LRRC56: variants seen among roughly 807,000 people sequenced by gnomAD.
LRRC56 encodes the protein leucine rich repeat containing 56.
In LRRC56, 41 loss-of-function variants were observed where a neutral mutation model predicts 47.8. The observed-to-expected ratio is 0.86, with a 90% CI of 0.67 to 1.11. The LOEUF (loss-of-function observed/expected upper bound fraction) is 1.11, where lower values mean the gene tolerates loss of function less well. LRRC56 is among the 50% of genes most tolerant of loss of function. The probability of loss-of-function intolerance (pLI) is 0.00; values close to 1 mark genes in which losing one functional copy is unlikely to be tolerated. For missense variants in LRRC56, 759 were observed against 704.2 expected, an observed-to-expected ratio of 1.08 and a Z score of -0.88; for synonymous variants, 387 against 311.2, an observed-to-expected ratio of 1.24 and a Z score of -2.56.
At chr11:546,147 G>A (rs1202109188) in intron 6 of LRRC56, among the ~76,000 whole-genome samples, 3 of 152,166 alleles carry the variant, frequency 2.0e-5, no homozygotes, top group South Asian at 4.1e-4. Context: ...GCACATGCCT[G>A]TAACCCCAGC....
chr11:546,817 C>T (rs1279204732), intron 6 of LRRC56, among the ~76,000 whole-genome samples: 2 of 152,054 alleles, frequency 1.3e-5, no homozygotes, highest in Non-Finnish European at 2.9e-5. Context: ...CTTTGGGAGG[C>T]CAAGGCAGGC....
chr11:520,488 T>C, the LRRC56 span, among the ~76,000 whole-genome samples: 11 of 152,098 alleles, frequency 7.2e-5, no homozygotes, highest in Admixed American at 7.2e-4. Flanking sequence ...GGCTCATTTT[T>C]TTGTATTTTC....
intron 1 of LRRC56, among the ~76,000 whole-genome samples, 175 bp downstream of exon 1, chr11:537,780 C>G (rs1056880410): frequency 2.6e-5 from 4 of 152,190 alleles, no homozygotes; most frequent in Admixed American, 2.6e-4. Flanking sequence ...CCTCCACCAC[C>G]CCCTGGCCCT....
chr11:516,638 G>C, the LRRC56 span, among the ~76,000 whole-genome samples: 1 of 152,026 alleles, frequency 6.6e-6, no homozygotes, highest in Non-Finnish European at 1.5e-5. Context: ...CATATAAGCA[G>C]ATTAAAAGAC....
At chr11:515,918 C>T in the LRRC56 span, among the ~76,000 whole-genome samples, 1 of 152,194 alleles carries the variant, frequency 6.6e-6, no homozygotes, top group Non-Finnish European at 1.5e-5. Context: ...ATATGTGTAG[C>T]CCCGTCATTC....
In LRRC56 at chr11:554,070, A is replaced by T; in HGVS notation, c.1423A>T (p.Arg475Trp). ...GCGGTGGTCGACAGACCTGCAGTCC[A>T]GGGGGCGTCGGCTCCGAGTCCTGGG... ...SPRWSTDLQS[R>W]GRRLRVLGSW... Residue 475 changes from arginine to tryptophan, a missense_variant, in exon 14 of 14, where the codon AGG becomes TGG. Physicochemically the swap from Arg to Trp is moderately radical, Grantham distance 101. Transcript: ENST00000270115. 6.2e-7 allele frequency: 1 copy of T among 1,610,008 alleles called. No individual in the cohort carries two copies. Among genetic ancestry groups the T allele is most frequent in the Non-Finnish European group, 8.5e-7 (1 of 1,179,242 alleles).
rs903133810 is a variant in LRRC56 at position 538,670 on chromosome 11, G to A, written c.-349G>A. The A allele has an allele frequency of 6.6e-6, 1 of 152,268 alleles. No homozygotes were observed. Among genetic ancestry groups the A allele is most frequent in the African/African-American group, 2.4e-5 (1 of 41,454 alleles). The allele number at this position is 152,268 out of a possible 1,614,324, so 9.4% of individuals were successfully genotyped here. A position where few individuals can be genotyped will look rare whatever the true frequency, so the allele number is the denominator to read the frequency against. On this transcript the variant is annotated 5_prime_UTR_variant, in exon 2 of 14. Coordinates refer to ENST00000270115, the MANE Select transcript of LRRC56 (RefSeq NM_198075.4). ...GATGCATCTTCAGTGTCCACACGTG[G>A]TCAACAGATAAAAGCCATGGCCAGA...
At chr11:553,847 C>A in intron 13 of LRRC56, 116 bp from the exon 14 acceptor site, 1 of 840,292 alleles carries the variant, frequency 1.2e-6, no homozygotes, top group Non-Finnish European at 1.9e-6. Flanking sequence ...GCCTGTGGAC[C>A]CCCAAGGACC....
At chr11:534,575 A>G, upstream of LRRC56, 1 of 577,864 alleles carries the variant, frequency 1.7e-6, no homozygotes, top group South Asian at 2.1e-5. Context: ...ACTTGCTCTT[A>G]ATGACCCAGT....
the LRRC56 span, among the ~76,000 whole-genome samples, chr11:511,543 G>C: frequency 6.6e-6 from 1 of 152,214 alleles, no homozygotes; most frequent in South Asian, 2.1e-4. Flanking sequence ...CTTAGCAGGA[G>C]GAGCTCATGA....
chr11:532,154 A>G, the LRRC56 span: 1 of 251,524 alleles, frequency 4.0e-6, no homozygotes, highest in Non-Finnish European at 7.8e-6. Flanking sequence ...GGCTATGGAG[A>G]GCCCAGGGCT....
chr11:522,914 A>G, the LRRC56 span, among the ~76,000 whole-genome samples: 1 of 151,766 alleles, frequency 6.6e-6, no homozygotes. Flanking sequence ...ACGCCCGGCT[A>G]ATTTTTGTAT....
intron 12 of LRRC56, 139 bp downstream of exon 12, chr11:552,371 G>C: frequency 7.5e-7 from 1 of 1,325,902 alleles, no homozygotes; most frequent in Non-Finnish European, 1.0e-6. Flanking sequence ...GGGGGATCAG[G>C]GCTGGGGCTA....
the LRRC56 span, among the ~76,000 whole-genome samples, chr11:518,305 AGG>A: frequency 6.6e-6 from 1 of 151,348 alleles, no homozygotes; most frequent in Non-Finnish European, 1.5e-5. Context: ...CCTCAGCCTT[AGG>A]AGTAGCTGGG....
At chr11:511,054 G>T in the LRRC56 span, among the ~76,000 whole-genome samples, 3 of 152,306 alleles carry the variant, frequency 2.0e-5, no homozygotes, top group Admixed American at 2.0e-4. Context: ...CGGCACGGTG[G>T]CTCACACCTG....
the LRRC56 span, among the ~76,000 whole-genome samples, chr11:522,423 G>A: frequency 2.0e-5 from 3 of 152,226 alleles, no homozygotes; most frequent in East Asian, 5.8e-4. Context: ...CCGCCACCAC[G>A]CCTGGCTAAT....
chr11:537,908 C>T (rs1009516634), intron 1 of LRRC56, among the ~76,000 whole-genome samples: 11 of 152,106 alleles, frequency 7.2e-5, no homozygotes, highest in Non-Finnish European at 1.5e-4. Flanking sequence ...AGGAGGGGAG[C>T]GGGCTCTGCC....
At chr11:515,285 G>T in the LRRC56 span, among the ~76,000 whole-genome samples, 1 of 152,140 alleles carries the variant, frequency 6.6e-6, no homozygotes, top group Non-Finnish European at 1.5e-5. Flanking sequence ...TGACTCCTGG[G>T]AGCTTGTCAT....
At chr11:533,572 T>C (rs771447288), upstream of LRRC56, 3 of 1,613,820 alleles carry the variant, frequency 1.9e-6, no homozygotes, top group South Asian at 1.1e-5. Context: ...ACCAGCACCA[T>C]GGGCACGTCA....
Sources: allele counts gnomAD v4.1 joint callset (sites outside exome capture counted in the v4.1 genomes callset), GRCh38; gene constraint gnomAD v4.1.1; transcripts MANE v1.5; gene names NCBI Gene and HGNC (gene_info 2026-07-23, HGNC 2026-07-21).